ST18: variants seen among roughly 807,000 people sequenced by gnomAD.
ST18 encodes ST18 C2H2C-type zinc finger transcription factor, also known as suppression of tumorigenicity 18 protein.
Under a neutral mutation model 110.0 loss-of-function variants are expected in ST18, and 50 were observed. That is an observed-to-expected ratio of 0.45 (90% CI 0.36 to 0.58). ST18 has a LOEUF of 0.58. ST18 is among the 20% of genes least tolerant of loss of function. The probability of loss-of-function intolerance (pLI) is 0.00; values close to 1 mark genes in which losing one functional copy is unlikely to be tolerated. For missense variants in ST18, 1,306 were observed against 1,280.1 expected (o/e 1.02, Z -0.31); for synonymous variants, 461 against 452.4 (o/e 1.02, Z -0.24).
Position 52,283,506 on chromosome 8 carries a change from C to T in ST18, c.-464-53429G>A, listed in dbSNP as rs191360404. On this transcript the variant is annotated intron_variant, in intron 2 of 25. Transcript: ENST00000689386. ...AGACAGGAAGAAAATGAGGAGATGG[C>T]AGTGAACTGAAAGCCCAGTTAAAAA... is the stretch of plus-strand genomic sequence containing the variant. 1.2e-3 allele frequency among the ~76,000 whole-genome samples: 180 copies of T among 152,156 alleles called. 2 individuals carry two copies. Among genetic ancestry groups the T allele is most frequent in the Admixed American group, 2.2e-3 (33 of 15,290 alleles).
intron 2 of ST18, among the ~76,000 whole-genome samples, chr8:52,268,102 T>C (rs924828321): frequency 6.6e-6 from 1 of 152,228 alleles, no homozygotes; most frequent in Non-Finnish European, 1.5e-5. Context: ...CTGAGAAATA[T>C]CAGAGAGCAT....
intron 23 of ST18, 87 bp downstream of exon 23, chr8:52,125,965 T>A: frequency 1.0e-6 from 1 of 959,164 alleles, no homozygotes; most frequent in Non-Finnish European, 1.6e-6. Context: ...GCTTCCCACC[T>A]AGAGAATACT....
chr8:52,146,437 T>G (rs1282720712), intron 16 of ST18, among the ~76,000 whole-genome samples: 3 of 151,346 alleles, frequency 2.0e-5, no homozygotes, highest in Non-Finnish European at 4.4e-5. Flanking sequence ...TTTTGGTGAT[T>G]TTTTTTTCTT....
intron 15 of ST18, chr8:52,154,903 G>T (rs1587153301): frequency 6.7e-6 from 1 of 148,292 alleles, no homozygotes; most frequent in African/African-American, 2.5e-5. Flanking sequence ...AGAAAAAAAA[G>T]TTTTAGAATC....
chr8:52,148,690 G>T (rs1215011729), intron 16 of ST18, among the ~76,000 whole-genome samples: 1 of 137,720 alleles, frequency 7.3e-6, no homozygotes, highest in Non-Finnish European at 1.6e-5. Context: ...GGGAGAGAGG[G>T]AAGGAGGGGA....
At position 52,111,263 on chromosome 8, in the gene ST18, G is replaced by C. The variant is rs1214454124; in HGVS notation, c.*1935C>G. 5.1e-5 allele frequency: 16 copies of C among 311,554 alleles called. 1 individual carries two copies. The East Asian group carries it at 7.6e-4, about 15-fold the overall frequency. 19.3% of individuals were successfully genotyped at this position (311,554 alleles called of 1,614,324 possible). ...AAAATATTTAGCAAATTAAACGTTT[G>C]TCTTTGTAATAAGTGAGCTCATTTG... On this transcript the variant is annotated 3_prime_UTR_variant, in exon 26 of 26. Transcript: ENST00000689386.
At chr8:52,367,836 A>G (rs554936131) in intron 2 of ST18, among the ~76,000 whole-genome samples, 38 of 152,244 alleles carry the variant, frequency 2.5e-4, no homozygotes, top group African/African-American at 8.2e-4. Context: ...TACGACTCCA[A>G]CCTCAACTAA....
intron 2 of ST18, among the ~76,000 whole-genome samples, chr8:52,299,841 A>G (rs2095689973): frequency 6.6e-6 from 1 of 152,210 alleles, no homozygotes; most frequent in South Asian, 2.1e-4. Flanking sequence ...TTTCTGCCAC[A>G]GAGCTCAGTT....
chr8:52,122,020 A>G (rs1032193958), intron 23 of ST18, among the ~76,000 whole-genome samples: 7 of 151,868 alleles, frequency 4.6e-5, no homozygotes, highest in Non-Finnish European at 1.0e-4. Flanking sequence ...TAATTTTTTT[A>G]TTTTTAGTAA....
chr8:52,222,269 C>T (rs542985551), intron 3 of ST18, among the ~76,000 whole-genome samples: 1 of 152,322 alleles, frequency 6.6e-6, no homozygotes, highest in South Asian at 2.1e-4. Context: ...AGCAGCACAT[C>T]ATCTGCACAA....
chr8:52,208,335 G>C (rs1212129780), intron 8 of ST18, among the ~76,000 whole-genome samples: 4 of 152,186 alleles, frequency 2.6e-5, no homozygotes. Flanking sequence ...CATTTCCTAA[G>C]ATACTCAGAA....
intron 2 of ST18, among the ~76,000 whole-genome samples, chr8:52,298,313 A>G (rs934084514): frequency 5.9e-5 from 9 of 152,238 alleles, no homozygotes; most frequent in African/African-American, 1.9e-4. Flanking sequence ...TTTCAGCTAC[A>G]TTATGACACA....
chr8:52,362,669 T>C (rs1291632679), intron 2 of ST18, among the ~76,000 whole-genome samples: 1 of 152,232 alleles, frequency 6.6e-6, no homozygotes, highest in Non-Finnish European at 1.5e-5. Context: ...TTCAGTGCCC[T>C]TTCTGATGCA....
At chr8:52,236,267 C>T (rs1199988564) in intron 2 of ST18, among the ~76,000 whole-genome samples, 1 of 152,170 alleles carries the variant, frequency 6.6e-6, no homozygotes, top group East Asian at 1.9e-4. Flanking sequence ...TTATTCCCAA[C>T]TTAAGGTGAG....
intron 14 of ST18, among the ~76,000 whole-genome samples, chr8:52,160,628 C>A (rs2061202036): frequency 6.6e-6 from 1 of 152,152 alleles, no homozygotes; most frequent in African/African-American, 2.4e-5. Flanking sequence ...GAAATCATGA[C>A]CTCTATTGGT....
chr8:52,126,070 T>G lies in ST18; in HGVS notation c.2737A>C (p.Lys913Gln). 1.2e-6 allele frequency: 2 copies of G among 1,614,160 alleles called. No homozygotes were observed. The highest frequency in any genetic ancestry group is 1.7e-6 in the Non-Finnish European group (2 of 1,180,006). ...CTCTTACCCCCAGTTGCTTTGAGCT[T>G]GATGGTCATGAGTTCTTCAGAAACC... ...GKVSEELMTIKLKATGGIESD... is the reference protein window; with the variant it reads ...GKVSEELMTIQLKATGGIESD... The change falls in exon 23 of 26, where the codon AAG (lysine) becomes CAG (glutamine). Residue 913 changes from lysine to glutamine, a missense_variant. Lys to Gln is a moderately conservative substitution (Grantham distance 53). Transcript: ENST00000689386.
chr8:52,320,377 AT>A (rs748116342), intron 2 of ST18, among the ~76,000 whole-genome samples: 21 of 150,138 alleles, frequency 1.4e-4, no homozygotes, highest in East Asian at 3.9e-4. Flanking sequence ...CCTACTATTG[AT>A]TTTTTTTTTA....
chr8:52,116,535 T>G (rs905035117), intron 24 of ST18, 117 bp from the exon 25 acceptor site: 1 of 986,130 alleles, frequency 1.0e-6, no homozygotes, highest in African/African-American at 1.6e-5. Context: ...CAGAGATGCA[T>G]GCGTGTAACT....
intron 2 of ST18, among the ~76,000 whole-genome samples, chr8:52,300,756 G>A (rs1046719527): frequency 6.6e-6 from 1 of 152,174 alleles, no homozygotes; most frequent in African/African-American, 2.4e-5. Flanking sequence ...CATGCTAGAA[G>A]AGCAGAGTTG....
Sources: allele counts gnomAD v4.1 joint callset (sites outside exome capture counted in the v4.1 genomes callset), GRCh38; gene constraint gnomAD v4.1.1; transcripts MANE v1.5; gene names NCBI Gene and HGNC (gene_info 2026-07-23, HGNC 2026-07-21).